The following LRRC49 variants were observed in gnomAD, a reference collection of about 807,000 sequenced individuals.
LRRC49 encodes leucine rich repeat containing 49.
Under a neutral mutation model 83.3 loss-of-function variants are expected in LRRC49, and 50 were observed. The observed-to-expected ratio is 0.60, with a 90% CI of 0.48 to 0.76. The LOEUF is 0.76. Ranked by LOEUF, LRRC49 falls within the 30% of genes least tolerant of loss-of-function variation. The pLI is 0.00. For missense variants in LRRC49, 704 were observed against 809.1 expected (o/e 0.87, Z 1.58); for synonymous variants, 286 against 283.3 (o/e 1.01, Z -0.10).
At chr15:70,895,774 G>A (rs1279459942) in intron 2 of LRRC49, 75 bp from the exon 3 acceptor site, 1 of 854,244 alleles carries the variant, frequency 1.2e-6, no homozygotes, top group Non-Finnish European at 1.9e-6. Context: ...GTTATTATAT[G>A]TTTTTTTAAT....
intron 13 of LRRC49, among the ~76,000 whole-genome samples, chr15:71,011,534 C>T (rs1224852424): frequency 1.3e-5 from 2 of 152,020 alleles, no homozygotes; most frequent in Non-Finnish European, 2.9e-5. Context: ...TATTAAAATA[C>T]CTAAAATATA....
chr15:71,042,989 G>T (rs1252431643), intron 15 of LRRC49, among the ~76,000 whole-genome samples: 8 of 152,064 alleles, frequency 5.3e-5, no homozygotes, highest in Non-Finnish European at 8.8e-5. Context: ...AGTGCAAAGG[G>T]CTCTCTCTTT....
intron 1 of LRRC49, among the ~76,000 whole-genome samples, chr15:70,865,458 C>T (rs1281070616): frequency 6.6e-6 from 1 of 152,192 alleles, no homozygotes; most frequent in African/African-American, 2.4e-5. Context: ...AGTTCATATT[C>T]ATTTCCCCAA....
intron 2 of LRRC49, among the ~76,000 whole-genome samples, chr15:70,878,082 G>A (rs574576127): frequency 1.3e-5 from 2 of 152,240 alleles, no homozygotes; most frequent in East Asian, 1.9e-4. Context: ...GCAGGGAGCC[G>A]AGCTTGCAAC....
intron 14 of LRRC49, among the ~76,000 whole-genome samples, chr15:71,026,276 C>T (rs916937614): frequency 3.9e-5 from 6 of 152,156 alleles, no homozygotes; most frequent in African/African-American, 1.4e-4. Context: ...CGTAGTATTC[C>T]ATGGTGTATA....
chr15:70,914,133 T>C (rs1446044904), intron 6 of LRRC49, among the ~76,000 whole-genome samples: 1 of 152,004 alleles, frequency 6.6e-6, no homozygotes, highest in East Asian at 1.9e-4. Context: ...AATGAAAATC[T>C]GAGTCTTGTT....
chr15:71,034,246 AAGAAG>A (rs1032607224), intron 14 of LRRC49, among the ~76,000 whole-genome samples: 5 of 152,228 alleles, frequency 3.3e-5, no homozygotes, highest in Non-Finnish European at 1.5e-5. Context: ...CACTTCTCAA[AAGAAG>A]AGATTTATGT....
intron 8 of LRRC49, among the ~76,000 whole-genome samples, chr15:70,940,251 ATTTTT>A (rs398027829): frequency 1.1e-5 from 1 of 87,072 alleles, no homozygotes. Flanking sequence ...GAATATATGG[ATTTTT>A]TTTTTTTTTT....
chr15:70,981,620 T>C (rs1274002150), intron 10 of LRRC49, among the ~76,000 whole-genome samples: 1 of 152,020 alleles, frequency 6.6e-6, no homozygotes, highest in East Asian at 1.9e-4. Context: ...CTTGTAACCT[T>C]AGAAGTGAAG....
chr15:70,862,851 C>T (rs1403779671), intron 1 of LRRC49, among the ~76,000 whole-genome samples: 2 of 152,174 alleles, frequency 1.3e-5, no homozygotes, highest in Admixed American at 1.3e-4. Flanking sequence ...CTAGAGTTTA[C>T]TGAGGGACTG....
rs960910758 is a variant in LRRC49 at position 71,049,337 on chromosome 15, G to A, written c.1858-72G>A. The stretch of plus-strand genomic sequence containing the variant: ...GAATAAATTATTTCAATTTTCTGTG[G>A]TTCAGCTAATTGTTGCTTTGACTTT... On this transcript the variant is annotated intron_variant, in intron 15 of 15. Transcript: ENST00000260382. 55 of 952,296 alleles carry A rather than the reference G, an allele frequency of 5.8e-5. No individual in the cohort carries two copies. The East Asian group carries it at 1.3e-3, about 22-fold the overall frequency. 59.0% of individuals were successfully genotyped at this position (952,296 alleles called of 1,614,324 possible).
intron 7 of LRRC49, among the ~76,000 whole-genome samples, chr15:70,923,886 C>T (rs552577277): frequency 6.6e-6 from 1 of 151,874 alleles, no homozygotes; most frequent in South Asian, 2.1e-4. Flanking sequence ...CCACATACTT[C>T]GGTATGTATT....
chr15:70,896,424 C>A (rs1414862314), intron 3 of LRRC49, among the ~76,000 whole-genome samples: 1 of 152,156 alleles, frequency 6.6e-6, no homozygotes, highest in Non-Finnish European at 1.5e-5. Flanking sequence ...AGTGCTCCCC[C>A]TCCATCTTCC....
At chr15:70,971,594 T>A (rs903698327) in intron 9 of LRRC49, among the ~76,000 whole-genome samples, 1 of 152,186 alleles carries the variant, frequency 6.6e-6, no homozygotes, top group Admixed American at 6.5e-5. Flanking sequence ...TATTATTGTG[T>A]GGGAGTCTAA....
chr15:70,901,300 A>G (rs1256190615), intron 4 of LRRC49, among the ~76,000 whole-genome samples: 1 of 152,180 alleles, frequency 6.6e-6, no homozygotes, highest in Non-Finnish European at 1.5e-5. Flanking sequence ...ATTGTAGTAT[A>G]GAAAAAAACC....
At chr15:70,901,499 G>A (rs2034076944) in intron 4 of LRRC49, among the ~76,000 whole-genome samples, 1 of 151,986 alleles carries the variant, frequency 6.6e-6, no homozygotes, top group African/African-American at 2.4e-5. Context: ...CCTCTGCCTG[G>A]AATGCTGTTC....
At position 71,008,627 on chromosome 15, in the gene LRRC49, C is replaced by T; in HGVS notation, c.1407+11C>T. On this transcript the variant is annotated intron_variant, in intron 12 of 15. Transcript: ENST00000260382. The stretch of plus-strand genomic sequence containing the variant: ...TTTCCTAATTCTCTGGTAAATATTT[C>T]CTTTTAGTAGTATATTTGAATATTC... The T allele has an allele frequency of 6.4e-7, 1 of 1,570,866 alleles. No individual in the cohort carries two copies. The highest frequency in any genetic ancestry group is 1.1e-5 in the South Asian group (1 of 89,906).
chr15:70,897,373 T>G (rs986846591), intron 3 of LRRC49, among the ~76,000 whole-genome samples: 9 of 152,194 alleles, frequency 5.9e-5, no homozygotes, highest in Non-Finnish European at 1.5e-5. Flanking sequence ...TGGTTTTTCA[T>G]TTAAAAAATT....
intron 1 of LRRC49, among the ~76,000 whole-genome samples, chr15:70,855,881 G>A (rs1471991259): frequency 6.6e-6 from 1 of 152,210 alleles, no homozygotes; most frequent in East Asian, 1.9e-4. Context: ...CAGGGCTATA[G>A]ATCCTCTGCA....
Sources: gnomAD v4.1 joint callset for allele counts (sites outside exome capture counted in the v4.1 genomes callset) on GRCh38, gnomAD v4.1.1 for gene constraint, MANE v1.5 for transcripts, NCBI Gene and HGNC (gene_info 2026-07-23, HGNC 2026-07-21) for gene names.